MARCHF4: variants seen among roughly 807,000 people sequenced by gnomAD.
The protein encoded by MARCHF4 is E3 ubiquitin-protein ligase MARCHF4.
Under a neutral mutation model 43.9 loss-of-function variants are expected in MARCHF4, and 14 were observed. The ratio of observed to expected loss-of-function variants is 0.32; its 90% confidence interval spans 0.21 to 0.50. The LOEUF is 0.50. Ranked by LOEUF, MARCHF4 falls within the 20% of genes least tolerant of loss-of-function variation. The pLI, the probability that MARCHF4 is intolerant of heterozygous loss-of-function variation, is 0.98. For synonymous variants in MARCHF4, 226 were observed against 213.3 expected (o/e 1.06, Z -0.52); for missense variants, 468 against 536.7 (o/e 0.87, Z 1.27).
At chr2:216,360,389 T>G (rs1692557805) in intron 1 of MARCHF4, among the ~76,000 whole-genome samples, 1 of 152,180 alleles carries the variant, frequency 6.6e-6, no homozygotes, top group African/African-American at 2.4e-5. Flanking sequence ...ATAAAAAGAA[T>G]AGACAAACTC....
At chr2:216,300,635 C>T (rs1374787984) in intron 1 of MARCHF4, among the ~76,000 whole-genome samples, 1 of 152,084 alleles carries the variant, frequency 6.6e-6, no homozygotes, top group African/African-American at 2.4e-5. Context: ...CATGAGCCAC[C>T]ATGCCTGGCC....
rs751201484 is a variant in MARCHF4, at chr2:216,258,507, G to GGGGTGTGTGTGTGT, written c.*804_*805insACACACACACACCC. The GGGGTGTGTGTGTGT allele has an allele frequency of 1.4e-5, 2 of 145,150 alleles. No homozygotes were observed. The highest frequency in any genetic ancestry group is 2.6e-5 in the African/African-American group (1 of 38,814). The allele number at this position is 145,150 out of a possible 1,614,324, so 9.0% of individuals were successfully genotyped here. ...CTGGAAATCTGTACTTTTCTCTAGG[G>GGGGTGTGTGTGTGT]GTGTGTGTGTGTGTGTGTGTGTGTG... On this transcript the variant is annotated 3_prime_UTR_variant, in exon 4 of 4. Coordinates refer to ENST00000273067, the MANE Select transcript of MARCHF4 (RefSeq NM_020814.3).
chr2:216,346,310 G>T (rs1215004168), intron 1 of MARCHF4, among the ~76,000 whole-genome samples: 3 of 151,392 alleles, frequency 2.0e-5, no homozygotes, highest in Admixed American at 1.3e-4. Context: ...TGCTTCTTTG[G>T]TACCCACCAC....
At chr2:216,313,451 G>C (rs1400802696) in intron 1 of MARCHF4, among the ~76,000 whole-genome samples, 1 of 152,104 alleles carries the variant, frequency 6.6e-6, no homozygotes, top group Non-Finnish European at 1.5e-5. Context: ...TCACAAATTA[G>C]AAAAAATTAC....
At position 216,320,663 on chromosome 2, in the gene MARCHF4, CTTTCTTTCTTTCT is replaced by C. The variant is rs1238462644; in HGVS notation, c.517-36947_517-36935del. 1.1e-3 allele frequency among the ~76,000 whole-genome samples: 110 copies of C among 96,972 alleles called. 1 individual carries two copies. Among genetic ancestry groups the C allele is most frequent in the African/African-American group, 4.2e-3 (86 of 20,370 alleles). The allele number at this position is 96,972 out of a possible 152,430, so 63.6% of individuals were successfully genotyped here. On this transcript the variant is annotated intron_variant, in intron 1 of 3. Transcript: ENST00000273067. ...TCTTTCTTTCTTTCTTTCTTTCTTT[CTTTCTTTCTTTCT>C]TTTTTTTTTTTTGAGATGGAGTCCC...
chr2:216,263,563 A>G lies in MARCHF4; in HGVS notation c.866-3884T>C, dbSNP rs549876784. On this transcript the variant is annotated intron_variant, in intron 3 of 3. Transcript: ENST00000273067. ...AAAGAGAGAGAGAGAAAGAAGAAAA[A>G]GAAAGAAAGAAAGAGAAAGAAAGAG... 7.3e-5 allele frequency among the ~76,000 whole-genome samples: 11 copies of G among 150,656 alleles called. No individual in the cohort carries two copies. The South Asian group carries it at 2.3e-3, about 31-fold the overall frequency.
rs970838020 is a variant in MARCHF4 at position 216,341,055 on chromosome 2, C to T, written c.516+28690G>A. On this transcript the variant is annotated intron_variant, in intron 1 of 3. Coordinates refer to ENST00000273067, the MANE Select transcript of MARCHF4 (RefSeq NM_020814.3). The stretch of plus-strand genomic sequence containing the variant: ...CCCTCACTCTCCTCGGATCCCCCAG[C>T]GTTTACCCTCTCTGAGTGGCTGGGC... 2.6e-5 allele frequency among the ~76,000 whole-genome samples: 4 copies of T among 152,164 alleles called. 1 individual carries two copies. The highest frequency in any genetic ancestry group is 4.1e-4 in the South Asian group (2 of 4,824).
chr2:216,320,615 CTTT>C (rs1691866252), intron 1 of MARCHF4, among the ~76,000 whole-genome samples: 2 of 39,678 alleles, frequency 5.0e-5, no homozygotes, highest in Non-Finnish European at 9.7e-5. Context: ...CTTTTTCTTT[CTTT>C]CTTTCTTTCT....
At chr2:216,342,486 G>A (rs1692252626) in intron 1 of MARCHF4, among the ~76,000 whole-genome samples, 1 of 152,180 alleles carries the variant, frequency 6.6e-6, no homozygotes, top group South Asian at 2.1e-4. Flanking sequence ...GTTGGGCTGG[G>A]GCTGAGGACA....
At chr2:216,311,965 A>G (rs1691693909) in intron 1 of MARCHF4, among the ~76,000 whole-genome samples, 3 of 152,182 alleles carry the variant, frequency 2.0e-5, no homozygotes. Context: ...GGTTTGATGA[A>G]ATAATTTTTT....
chr2:216,306,561 T>C (rs1272299189), intron 1 of MARCHF4, among the ~76,000 whole-genome samples: 1 of 152,222 alleles, frequency 6.6e-6, no homozygotes, highest in Non-Finnish European at 1.5e-5. Context: ...TTTTGATCAC[T>C]ATCAGTTTTA....
At chr2:216,369,061 G>A (rs1363245017) in intron 1 of MARCHF4, among the ~76,000 whole-genome samples, 1 of 152,172 alleles carries the variant, frequency 6.6e-6, no homozygotes, top group Non-Finnish European at 1.5e-5. Context: ...ATACCTTATT[G>A]CCTACGTCAG....
intron 1 of MARCHF4, among the ~76,000 whole-genome samples, chr2:216,286,150 G>C (rs2105942232): frequency 6.6e-6 from 1 of 152,362 alleles, no homozygotes; most frequent in Middle Eastern, 3.4e-3. Context: ...CCAGGACTAT[G>C]CTGCTTCCCC....
intron 1 of MARCHF4, among the ~76,000 whole-genome samples, chr2:216,350,725 C>T (rs1023344187): frequency 6.6e-6 from 1 of 152,202 alleles, no homozygotes; most frequent in African/African-American, 2.4e-5. Context: ...CATGCCCCTC[C>T]CTGTTTTCTG....
chr2:216,274,776 C>G lies in MARCHF4; in HGVS notation c.865+2896G>C, dbSNP rs149702990. On this transcript the variant is annotated intron_variant, in intron 3 of 3. Transcript: ENST00000273067. ...ACTTCTACTCTGCTGTGGGAGTCAG[C>G]CTAAGACAAATGCCTCTGTTTCAGA... 8.3e-3 allele frequency among the ~76,000 whole-genome samples: 1,260 copies of G among 152,280 alleles called. 15 individuals are homozygous for G. Among genetic ancestry groups the G allele is most frequent in the Admixed American group, 0.031 (480 of 15,290 alleles).
At chr2:216,324,831 A>C (rs893433743) in intron 1 of MARCHF4, among the ~76,000 whole-genome samples, 1 of 131,496 alleles carries the variant, frequency 7.6e-6, no homozygotes, top group Admixed American at 7.9e-5. Flanking sequence ...AATAAGAGCT[A>C]TCTATGACAA....
rs762010906 is a variant in MARCHF4 at position 216,283,561 on chromosome 2, C to A, written c.672+13G>T. ...CAGGCCCAGCAACCCCACCAGGCAGCCCTGGGTTGTACCTGCAGAGGATTT... is the reference window on the plus strand; with the variant it reads ...CAGGCCCAGCAACCCCACCAGGCAGACCTGGGTTGTACCTGCAGAGGATTT... On this transcript the variant is annotated intron_variant, in intron 2 of 3. Transcript: ENST00000273067. 1.3e-6 allele frequency: 2 copies of A among 1,590,678 alleles called. No individual in the cohort carries two copies. Among genetic ancestry groups the A allele is most frequent in the South Asian group, 2.2e-5 (2 of 89,184 alleles).
chr2:216,344,194 A>C (rs899791818), intron 1 of MARCHF4, among the ~76,000 whole-genome samples: 1 of 152,230 alleles, frequency 6.6e-6, no homozygotes, highest in Non-Finnish European at 1.5e-5. Context: ...AAGACAAACT[A>C]AAACAGAAAC....
Position 216,347,175 on chromosome 2 carries a change from T to C in MARCHF4, c.516+22570A>G, listed in dbSNP as rs554514208. On this transcript the variant is annotated intron_variant, in intron 1 of 3. Transcript: ENST00000273067. ...TGAATTACCCAGTCTCAGGTATTTCTTGATAGCAGTGTAAGAATGGTCTAA... is the reference window on the plus strand; with the variant it reads ...TGAATTACCCAGTCTCAGGTATTTCCTGATAGCAGTGTAAGAATGGTCTAA... 2.0e-5 allele frequency among the ~76,000 whole-genome samples: 3 copies of C among 152,310 alleles called. No homozygotes were observed. In the South Asian group the frequency reaches 6.2e-4, roughly 32 times the overall value.
Sources: allele counts gnomAD v4.1 joint callset (sites outside exome capture counted in the v4.1 genomes callset), GRCh38; gene constraint gnomAD v4.1.1; transcripts MANE v1.5; gene names NCBI Gene and HGNC (gene_info 2026-07-23, HGNC 2026-07-21).